OR56A3: variants seen among roughly 807,000 people sequenced by gnomAD.
OR56A3 encodes the protein olfactory receptor family 56 subfamily A member 3.
OR56A3 carries 23 observed loss-of-function variants against 17.5 expected under a neutral mutation model. The observed-to-expected ratio is 1.32, with a 90% CI of 0.95 to 1.87. OR56A3 has a LOEUF of 1.87. Ranked by LOEUF, OR56A3 falls within the 40% of genes most tolerant of loss-of-function variation. OR56A3 has a pLI of 0.00. For synonymous variants in OR56A3, 175 were observed against 150.6 expected (o/e 1.16, Z -1.19); for missense variants, 366 against 380.1 (o/e 0.96, Z 0.31).
chr11:6,007,303 G>A, the OR56A3 span, among the ~76,000 whole-genome samples: 1 of 152,194 alleles, frequency 6.6e-6, no homozygotes, highest in African/African-American at 2.4e-5. Flanking sequence ...CAAGGGGCAG[G>A]GAGAGAAGGA....
the OR56A3 span, among the ~76,000 whole-genome samples, chr11:5,987,961 T>C: frequency 6.6e-6 from 1 of 152,228 alleles, no homozygotes; most frequent in Non-Finnish European, 1.5e-5. Flanking sequence ...ATTTATTGCA[T>C]GGAATAAAAT....
chr11:5,970,049 A>G, the OR56A3 span, among the ~76,000 whole-genome samples: 3 of 152,344 alleles, frequency 2.0e-5, no homozygotes, highest in South Asian at 6.2e-4. Context: ...GATTTGATAT[A>G]TGTTGTGGAG....
the OR56A3 span, among the ~76,000 whole-genome samples, chr11:5,996,642 C>A: frequency 6.6e-6 from 1 of 152,002 alleles, no homozygotes; most frequent in African/African-American, 2.4e-5. Flanking sequence ...ATGTTGTTAA[C>A]AAAGGATGAC....
At position 5,951,045 on chromosome 11, in the gene OR56A3, T is replaced by A. The variant is rs1046095950; in HGVS notation, c.*2751T>A. 6.6e-6 allele frequency: 1 copy of A among 152,130 alleles called. No homozygotes were observed. The highest frequency in any genetic ancestry group is 1.5e-5 in the Non-Finnish European group (1 of 67,986). The allele number at this position is 152,130 out of a possible 1,614,324, so 9.4% of individuals were successfully genotyped here. On this transcript the variant is annotated 3_prime_UTR_variant, in exon 3 of 3. Coordinates refer to ENST00000641160, the MANE Select transcript of OR56A3 (RefSeq NM_001003443.3). ...CAGGGTTTTAGAGGAGAGTAAAGTT[T>A]TTTTTGTTAATGCTGCAATAACATG...
downstream of OR56A3, among the ~76,000 whole-genome samples, chr11:5,953,266 C>G (rs989784935): frequency 3.9e-5 from 6 of 152,286 alleles, no homozygotes; most frequent in African/African-American, 1.4e-4. Context: ...TACATTCCCA[C>G]CAACAGCTTA....
the OR56A3 span, chr11:6,002,679 A>G: frequency 6.2e-7 from 1 of 1,614,240 alleles, no homozygotes; most frequent in East Asian, 2.2e-5. Context: ...GTTCATGATG[A>G]ACATCTGGAG....
chr11:5,973,837 A>G, the OR56A3 span, among the ~76,000 whole-genome samples: 1 of 152,222 alleles, frequency 6.6e-6, no homozygotes, highest in South Asian at 2.1e-4. Context: ...AGATGAAAAT[A>G]TGGAGGGACA....
At chr11:5,977,088 A>G in the OR56A3 span, among the ~76,000 whole-genome samples, 1 of 152,120 alleles carries the variant, frequency 6.6e-6, no homozygotes, top group Non-Finnish European at 1.5e-5. Flanking sequence ...TGTATATGTA[A>G]CACATTTTCT....
the OR56A3 span, chr11:6,017,100 T>C: frequency 1.8e-5 from 2 of 113,788 alleles, no homozygotes; most frequent in Non-Finnish European, 3.6e-5. Context: ...CTGGGAATAT[T>C]GGGTGCTGTA....
the OR56A3 span, chr11:5,968,622 C>G: frequency 5.7e-5 from 40 of 701,890 alleles, no homozygotes; most frequent in Non-Finnish European, 8.3e-5. Flanking sequence ...GTATGAGATA[C>G]AGATGACCAA....
chr11:5,943,931 G>A (rs1276326990), intron 1 of OR56A3, among the ~76,000 whole-genome samples: 6 of 152,228 alleles, frequency 3.9e-5, no homozygotes, highest in Admixed American at 2.0e-4. Context: ...TGGGTGCAAA[G>A]TTAATTGGGG....
chr11:5,974,546 A>G, the OR56A3 span, among the ~76,000 whole-genome samples: 2 of 152,330 alleles, frequency 1.3e-5, no homozygotes, highest in South Asian at 2.1e-4. Context: ...GGTTATTCAC[A>G]TATTGATGAG....
the OR56A3 span, among the ~76,000 whole-genome samples, chr11:6,019,057 A>G: frequency 2.0e-5 from 3 of 152,096 alleles, no homozygotes; most frequent in East Asian, 5.8e-4. Flanking sequence ...AAAAAAGCAC[A>G]GGGACACAAA....
the OR56A3 span, among the ~76,000 whole-genome samples, chr11:5,962,624 C>T: frequency 1.1e-3 from 166 of 151,598 alleles, 1 homozygote; most frequent in Non-Finnish European, 2.1e-3. Flanking sequence ...CTGCAAGCTC[C>T]GCTTCCCGGG....
the OR56A3 span, among the ~76,000 whole-genome samples, chr11:5,987,892 T>A: frequency 1.3e-5 from 2 of 152,038 alleles, no homozygotes; most frequent in African/African-American, 2.4e-5. Flanking sequence ...AAGTCATGGG[T>A]TTTTTTTCTA....
chr11:6,005,702 G>A, the OR56A3 span, among the ~76,000 whole-genome samples: 259 of 152,314 alleles, frequency 1.7e-3, no homozygotes, highest in Non-Finnish European at 2.9e-3. Flanking sequence ...TCTGGCTAGA[G>A]CTCATTTCTT....
chr11:5,984,684 A>C, the OR56A3 span, among the ~76,000 whole-genome samples: 1 of 152,174 alleles, frequency 6.6e-6, no homozygotes, highest in East Asian at 1.9e-4. Context: ...TCCCTAATTC[A>C]TCTACTTGCA....
the OR56A3 span, among the ~76,000 whole-genome samples, chr11:5,977,484 T>C: frequency 2.0e-5 from 3 of 152,230 alleles, no homozygotes; most frequent in African/African-American, 7.2e-5. Flanking sequence ...TATTTTTTCA[T>C]ATGCTTGTTG....
At chr11:5,974,679 A>G in the OR56A3 span, among the ~76,000 whole-genome samples, 4 of 152,208 alleles carry the variant, frequency 2.6e-5, no homozygotes, top group Non-Finnish European at 5.9e-5. Flanking sequence ...ACAAGGACCT[A>G]TGGTGAGAAG....
Sources: gnomAD v4.1 joint callset for allele counts (sites outside exome capture counted in the v4.1 genomes callset) on GRCh38, gnomAD v4.1.1 for gene constraint, MANE v1.5 for transcripts, NCBI Gene and HGNC (gene_info 2026-07-23, HGNC 2026-07-21) for gene names.